Variants in FGF13 observed in about 807,000 individuals in gnomAD.
FGF13 encodes the protein fibroblast growth factor 13.
FGF13 carries 2 observed loss-of-function variants against 19.5 expected under a neutral mutation model. That is an observed-to-expected ratio of 0.10 (90% CI 0.04 to 0.32). The LOEUF is 0.32. Ranked by LOEUF, FGF13 falls within the 10% of genes least tolerant of loss-of-function variation. The pLI is 1.00. For missense variants in FGF13, 113 were observed against 192.7 expected (o/e 0.59, Z 2.45); for synonymous variants, 72 against 76.9 (o/e 0.94, Z 0.33).
At chrX:139,103,636 A>G (rs373870935) in intron 1 of FGF13, among the ~76,000 whole-genome samples, 2 of 112,220 alleles carry the variant, frequency 1.8e-5, no homozygotes, top group East Asian at 5.7e-4. Flanking sequence ...TTCTGTGAAT[A>G]TACTAAAACC....
intron 3 of FGF13, among the ~76,000 whole-genome samples, chrX:138,795,047 G>A (rs1184875214): frequency 8.9e-6 from 1 of 111,793 alleles, no homozygotes; most frequent in Non-Finnish European, 1.9e-5. Flanking sequence ...CGAACTCAGA[G>A]TATAGGAGGG....
At chrX:139,017,748 T>C (rs1462345609) in intron 1 of FGF13, among the ~76,000 whole-genome samples, 3 of 111,294 alleles carry the variant, frequency 2.7e-5, no homozygotes, top group Non-Finnish European at 1.9e-5. Flanking sequence ...TTCAGGATTC[T>C]TTGTAATAGA....
intron 3 of FGF13, among the ~76,000 whole-genome samples, chrX:138,747,244 C>T (rs1238786620): frequency 9.0e-6 from 1 of 111,717 alleles, no homozygotes; most frequent in African/African-American, 3.3e-5. Context: ...GTAGGTGGCT[C>T]AGGGAGGGAG....
intron 4 of FGF13, among the ~76,000 whole-genome samples, chrX:138,633,801 C>T (rs2089149927): frequency 9.0e-6 from 1 of 111,613 alleles, no homozygotes; most frequent in Non-Finnish European, 1.9e-5. Flanking sequence ...GGTAAATAAC[C>T]TGTTCAAGAC....
chrX:138,861,265 G>C (rs1387526839), intron 2 of FGF13, among the ~76,000 whole-genome samples: 1 of 112,038 alleles, frequency 8.9e-6, no homozygotes, highest in Non-Finnish European at 1.9e-5. Context: ...ACGTACTCAT[G>C]TTCACAGAAA....
At chrX:138,715,246 CAT>C (rs767598600), upstream of FGF13, among the ~76,000 whole-genome samples, 29 of 112,045 alleles carry the variant, frequency 2.6e-4, no homozygotes, top group African/African-American at 9.4e-4. Flanking sequence ...AGGCTGGAAA[CAT>C]ATGTTTTAAT....
intron 3 of FGF13, among the ~76,000 whole-genome samples, chrX:138,747,084 C>A (rs775129826): frequency 1.8e-5 from 2 of 111,575 alleles, no homozygotes; most frequent in South Asian, 7.6e-4. Flanking sequence ...CCCACCAATT[C>A]TCATCAGAAA....
At position 138,799,748 on chromosome X, in the gene FGF13, G is replaced by A. The variant is rs778662869; in HGVS notation, c.217+57764C>T. On this transcript the variant is annotated intron_variant, in intron 3 of 6. Coordinates refer to the FGF13 transcript ENST00000436198. Reference sequence around the variant, plus strand: ...TTTATGAAAGTGGGTGTGTATATATGCATATATATGCACCTATATTGGGTG... The same window carrying A: ...TTTATGAAAGTGGGTGTGTATATATACATATATATGCACCTATATTGGGTG... Among the ~76,000 whole-genome samples the A allele has an allele frequency of 4.0e-3, 450 of 111,222 alleles. 2 individuals carry two copies. The highest frequency in any genetic ancestry group is 0.014 in the African/African-American group (429 of 30,645).
At chrX:138,863,882 C>T (rs1206296282) in intron 2 of FGF13, among the ~76,000 whole-genome samples, 2 of 111,974 alleles carry the variant, frequency 1.8e-5, no homozygotes, top group African/African-American at 6.5e-5. Flanking sequence ...GCCTCAGCTG[C>T]CTCATTTCAA....
At chrX:138,917,687 A>G (rs1226663945) in intron 1 of FGF13, among the ~76,000 whole-genome samples, 4 of 112,067 alleles carry the variant, frequency 3.6e-5, no homozygotes, top group Non-Finnish European at 7.5e-5. Flanking sequence ...TGTGTTCTTT[A>G]TATCTTCTGC....
chrX:139,017,298 C>T (rs151012949), intron 1 of FGF13, among the ~76,000 whole-genome samples: 1,077 of 101,056 alleles, frequency 0.011, 8 homozygotes, highest in Non-Finnish European at 0.017. Flanking sequence ...GTTCCAATGG[C>T]GATGAATAGA....
intron 3 of FGF13, among the ~76,000 whole-genome samples, chrX:138,639,361 C>A (rs1412584981): frequency 8.9e-6 from 1 of 111,745 alleles, no homozygotes; most frequent in African/African-American, 3.3e-5. Flanking sequence ...TAAATAAAGG[C>A]AGCAATCACT....
At chrX:138,917,101 AAG>A (rs1215339406) in intron 1 of FGF13, among the ~76,000 whole-genome samples, 1 of 111,668 alleles carries the variant, frequency 9.0e-6, no homozygotes, top group East Asian at 2.8e-4. Context: ...AATAAAGAAA[AAG>A]AGAGCAGCAT....
chrX:138,741,090 C>T (rs772317229), upstream of FGF13, among the ~76,000 whole-genome samples: 2 of 112,433 alleles, frequency 1.8e-5, no homozygotes, highest in African/African-American at 3.2e-5. Flanking sequence ...TAGGCTTCAG[C>T]AAACTCTTTA....
chrX:138,893,710 C>T (rs900675413), intron 1 of FGF13, among the ~76,000 whole-genome samples: 43 of 111,883 alleles, frequency 3.8e-4, no homozygotes, highest in African/African-American at 1.3e-3. Context: ...AGGTGGATAA[C>T]GTGAAATAAG....
chrX:139,198,982 G>C (rs1362473388), intron 1 of FGF13, among the ~76,000 whole-genome samples: 2 of 112,579 alleles, frequency 1.8e-5, no homozygotes, highest in African/African-American at 6.5e-5. Flanking sequence ...ATTCAACTAA[G>C]TTTGTAGAGC....
chrX:138,958,864 G>T (rs2124299915), intron 1 of FGF13, among the ~76,000 whole-genome samples: 1 of 111,512 alleles, frequency 9.0e-6, no homozygotes, highest in Non-Finnish European at 1.9e-5. Context: ...GATCGGTGGT[G>T]ATATCCCCTT....
At chrX:138,714,389 T>C (rs1370367189), upstream of FGF13, 1 of 112,535 alleles carries the variant, frequency 8.9e-6, no homozygotes, top group Non-Finnish European at 1.9e-5. Flanking sequence ...CTCACGCCTG[T>C]TATCCCAGAA....
chrX:139,022,196 G>A lies in FGF13; in HGVS notation c.-112-157546C>T, dbSNP rs144034994. On this transcript the variant is annotated intron_variant, in intron 1 of 2. Transcript: ENST00000421460. ...GGACTAGTCTTTGTAGGAAAAGAGG[G>A]ATTATTTTCTTCTAAGATGAGAGAG... is the stretch of plus-strand genomic sequence containing the variant. 8.8e-3 allele frequency among the ~76,000 whole-genome samples: 975 copies of A among 111,278 alleles called. 9 individuals carry two copies. Among genetic ancestry groups the A allele is most frequent in the African/African-American group, 0.029 (900 of 30,703 alleles).
Sources: allele counts gnomAD v4.1 joint callset (sites outside exome capture counted in the v4.1 genomes callset), GRCh38; gene constraint gnomAD v4.1.1; transcripts MANE v1.5; gene names NCBI Gene and HGNC (gene_info 2026-07-23, HGNC 2026-07-21).